Variants in INPP5A observed in about 807,000 individuals in gnomAD.
The protein encoded by INPP5A is 43 kDa inositol polyphosphate 5-phophatase.
INPP5A carries 14 observed loss-of-function variants against 65.2 expected under a neutral mutation model. That is an observed-to-expected ratio of 0.21 (90% confidence interval 0.14 to 0.34). The LOEUF (loss-of-function observed/expected upper bound fraction) is 0.34. Ranked by LOEUF, INPP5A falls within the 10% of genes least tolerant of loss-of-function variation. The probability of loss-of-function intolerance (pLI) is 1.00; values close to 1 mark genes in which losing one functional copy is unlikely to be tolerated. For synonymous variants in INPP5A, 207 were observed against 208.3 expected (o/e 0.99, Z 0.05); for missense variants, 431 against 545.6 (o/e 0.79, Z 2.09).
At chr10:132,730,706 C>CTT (rs1846068605) in intron 9 of INPP5A, among the ~76,000 whole-genome samples, 2 of 152,200 alleles carry the variant, frequency 1.3e-5, no homozygotes, top group Non-Finnish European at 2.9e-5. Flanking sequence ...AGGAACGTGG[C>CTT]AGAGCTCCTG....
chr10:132,739,426 G>A lies in INPP5A; in HGVS notation c.733-10091G>A, dbSNP rs989536385. Reference sequence around the variant, plus strand: ...TGGGGGCGTGCCGACAGAAGGCAGCGGGAAGGTGGTTTACTCATCCTTACC... The same window carrying A: ...TGGGGGCGTGCCGACAGAAGGCAGCAGGAAGGTGGTTTACTCATCCTTACC... On this transcript the variant is annotated intron_variant, in intron 9 of 15. Coordinates refer to ENST00000368594, the MANE Select transcript of INPP5A (RefSeq NM_005539.5). 9.2e-5 allele frequency among the ~76,000 whole-genome samples: 14 copies of A among 152,346 alleles called. No individual in the cohort carries two copies. In the East Asian group the frequency reaches 9.7e-4, roughly 11 times the overall value.
chr10:132,776,225 C>T (rs1173589612), intron 12 of INPP5A, among the ~76,000 whole-genome samples: 1 of 152,174 alleles, frequency 6.6e-6, no homozygotes, highest in African/African-American at 2.4e-5. Context: ...GACACGCAGG[C>T]CCTGCGTAGC....
intron 1 of INPP5A, among the ~76,000 whole-genome samples, chr10:132,560,292 T>C (rs1178613097): frequency 1.3e-5 from 2 of 152,202 alleles, no homozygotes; most frequent in East Asian, 3.9e-4. Context: ...TAGACCTGCT[T>C]GTGGAGTTGC....
chr10:132,572,698 C>T (rs1265363272), intron 1 of INPP5A, among the ~76,000 whole-genome samples: 3 of 152,102 alleles, frequency 2.0e-5, no homozygotes, highest in South Asian at 2.1e-4. Flanking sequence ...TACTCGGTAG[C>T]GTTTATAACA....
chr10:132,593,786 T>C (rs1284165855), intron 1 of INPP5A, among the ~76,000 whole-genome samples: 1 of 152,238 alleles, frequency 6.6e-6, no homozygotes, highest in African/African-American at 2.4e-5. Flanking sequence ...TGGTATTTAT[T>C]CTGCTTGATG....
At chr10:132,679,619 G>A (rs1046596898) in intron 4 of INPP5A, among the ~76,000 whole-genome samples, 1 of 152,168 alleles carries the variant, frequency 6.6e-6, no homozygotes, top group African/African-American at 2.4e-5. Context: ...TTTGGAGGAG[G>A]GTGGAGGGCG....
intron 2 of INPP5A, among the ~76,000 whole-genome samples, chr10:132,610,604 C>T (rs2071931427): frequency 6.6e-6 from 1 of 152,218 alleles, no homozygotes; most frequent in Non-Finnish European, 1.5e-5. Context: ...GTGGGGAGAC[C>T]TGGGGCTGCT....
At chr10:132,597,711 A>G (rs1188271418) in intron 1 of INPP5A, among the ~76,000 whole-genome samples, 1 of 151,932 alleles carries the variant, frequency 6.6e-6, no homozygotes. Context: ...GCGCTGTGCT[A>G]CGTGTAGTGA....
chr10:132,719,074 G>A (rs571737323), intron 8 of INPP5A, among the ~76,000 whole-genome samples: 2 of 148,694 alleles, frequency 1.3e-5, no homozygotes, highest in South Asian at 4.3e-4. Context: ...GCTGTCTCGC[G>A]GGTTCTGTGG....
Position 132,590,588 on chromosome 10 carries a change from C to T in INPP5A, c.76-17327C>T, listed in dbSNP as rs117451109. On this transcript the variant is annotated intron_variant, in intron 1 of 15. Transcript: ENST00000368594. ...CCACCATGCTGGTCGCACCCTCCAG[C>T]GATGGGTCCTCGGTGCAGTGATCTC... Among the ~76,000 whole-genome samples the T allele has an allele frequency of 1.5e-3, 222 of 152,278 alleles. 1 individual carries two copies. In the East Asian group the frequency reaches 0.04, roughly 27 times the overall value.
Position 132,545,587 on chromosome 10 carries a change from G to A in INPP5A, c.75+7416G>A, listed in dbSNP as rs2070959830. Among the ~76,000 whole-genome samples, 1 of 152,262 alleles carries A rather than the reference G, an allele frequency of 6.6e-6. No individual in the cohort carries two copies. Among genetic ancestry groups the A allele is most frequent in the Admixed American group, 6.5e-5 (1 of 15,292 alleles). The stretch of plus-strand genomic sequence containing the variant: ...GTGAGTGCACTCCAGTGAAATACCT[G>A]TGGGGGCCTTAGGGGAAGAGGGTGC... On this transcript the variant is annotated intron_variant, in intron 1 of 15. Transcript: ENST00000368594. The surrounding 1 kb of genome is among the most constrained non-coding windows in gnomAD (Gnocchi z 4.6).
At chr10:132,781,135 T>C (rs1023728278) in intron 14 of INPP5A, among the ~76,000 whole-genome samples, 1 of 152,196 alleles carries the variant, frequency 6.6e-6, no homozygotes, top group African/African-American at 2.4e-5. Flanking sequence ...TATCATAAGC[T>C]AGGTGGGTAA....
rs1220669831 is a variant in INPP5A at position 132,777,764 on chromosome 10, C to T, written c.1071C>T (p.Ala357=). ...WCDRILMSPS[A]KELVLRSESE... ...ACCGCATCCTCATGTCCCCGTCTGCCAAGGAGCTGGTGCTGCGGGTGAGTG... is the reference window on the plus strand; with the variant it reads ...ACCGCATCCTCATGTCCCCGTCTGCTAAGGAGCTGGTGCTGCGGGTGAGTG... The change falls in exon 13 of 16, where the codon GCC becomes GCT. Residue 357 remains alanine (A), a synonymous_variant. Coordinates refer to ENST00000368594, the MANE Select transcript of INPP5A (RefSeq NM_005539.5). 6.2e-7 allele frequency: 1 copy of T among 1,613,128 alleles called. No homozygotes were observed. Among genetic ancestry groups the T allele is most frequent in the Non-Finnish European group, 8.5e-7 (1 of 1,179,990 alleles).
chr10:132,780,966 C>A, intron 14 of INPP5A, 49 bp downstream of exon 14: 2 of 533,662 alleles, frequency 3.7e-6, no homozygotes, highest in Non-Finnish European at 5.9e-6. Context: ...CAAGGGGAAG[C>A]TAGGGGGCCG....
chr10:132,734,477 G>A (rs1590968104), intron 9 of INPP5A, among the ~76,000 whole-genome samples: 5 of 152,250 alleles, frequency 3.3e-5, no homozygotes, highest in Admixed American at 6.5e-5. Flanking sequence ...GTGCGGATTC[G>A]CAGCGTTTCC....
chr10:132,557,428 G>C (rs905482069), intron 1 of INPP5A, among the ~76,000 whole-genome samples: 2 of 152,282 alleles, frequency 1.3e-5, no homozygotes, highest in Non-Finnish European at 2.9e-5. Flanking sequence ...CCCATGCAGA[G>C]TCACGAGGGG....
chr10:132,627,605 G>C lies in INPP5A; in HGVS notation c.118-18263G>C, dbSNP rs1026313242. On this transcript the variant is annotated intron_variant, in intron 2 of 15. Coordinates refer to ENST00000368594, the MANE Select transcript of INPP5A (RefSeq NM_005539.5). The surrounding 1 kb of genome is among the most constrained non-coding windows in gnomAD (Gnocchi z 6.6). The stretch of plus-strand genomic sequence containing the variant: ...GCGGATGACAAGTGAAATGAACGAG[G>C]GAGTGAGAGCCGAAAAAGACACCTT... Among the ~76,000 whole-genome samples the C allele has an allele frequency of 6.6e-6, 1 of 152,194 alleles. No homozygotes were observed. Among genetic ancestry groups the C allele is most frequent in the Non-Finnish European group, 1.5e-5 (1 of 68,028 alleles).
At chr10:132,592,331 C>G (rs975346684) in intron 1 of INPP5A, among the ~76,000 whole-genome samples, 1 of 152,214 alleles carries the variant, frequency 6.6e-6, no homozygotes, top group Non-Finnish European at 1.5e-5. Context: ...AGTTTGTTAA[C>G]TATTCGGGGA....
At chr10:132,566,807 C>T (rs1481296497) in intron 1 of INPP5A, among the ~76,000 whole-genome samples, 3 of 152,168 alleles carry the variant, frequency 2.0e-5, no homozygotes, top group Non-Finnish European at 4.4e-5. Context: ...GTGTAATATA[C>T]TTTCAGAAGC....
Sources: allele counts gnomAD v4.1 joint callset (sites outside exome capture counted in the v4.1 genomes callset), GRCh38; gene constraint gnomAD v4.1.1; non-coding constraint Gnocchi (gnomAD v3.1); transcripts MANE v1.5; gene names NCBI Gene and HGNC (gene_info 2026-07-23, HGNC 2026-07-21).